Variants in CCDC178 observed in about 807,000 individuals in gnomAD.
The protein encoded by CCDC178 is coiled-coil domain containing 178, also known as coiled-coil domain-containing protein 178.
Under a neutral mutation model 117.4 loss-of-function variants are expected in CCDC178, and 126 were observed. The ratio of observed to expected loss-of-function variants is 1.07; its 90% confidence interval spans 0.93 to 1.24. The LOEUF (loss-of-function observed/expected upper bound fraction) is 1.24, where lower values mean the gene tolerates loss of function less well. CCDC178 is among the 50% of genes most tolerant of loss of function. The pLI is 0.00. For missense variants in CCDC178, 1,030 were observed against 986.9 expected, an observed-to-expected ratio of 1.04 and a Z score of -0.59; for synonymous variants, 283 against 313.4, an observed-to-expected ratio of 0.90 and a Z score of 1.02.
intron 2 of CCDC178, chr18:33,437,628 A>G (rs994285937): frequency 1.1e-4 from 17 of 152,250 alleles, no homozygotes; most frequent in Non-Finnish European, 2.2e-4. Context: ...TAAAATAGAC[A>G]TATCATGATT....
intron 2 of CCDC178, among the ~76,000 whole-genome samples, chr18:33,432,374 T>G (rs2064231691): frequency 6.6e-6 from 1 of 152,078 alleles, no homozygotes; most frequent in Non-Finnish European, 1.5e-5. Context: ...AGCCTAAACA[T>G]TTTTAGCAGA....
intron 5 of CCDC178, among the ~76,000 whole-genome samples, chr18:33,376,850 C>T (rs1232037638): frequency 6.6e-6 from 1 of 152,108 alleles, no homozygotes; most frequent in Non-Finnish European, 1.5e-5. Context: ...TCCAATCCAC[C>T]ATTGATGGAC....
At position 33,266,947 on chromosome 18, in the gene CCDC178, TATCA is replaced by T. The variant is rs1225345635; in HGVS notation, c.1374_1377del (p.Asp459LeufsTer4). 2 of 1,587,172 alleles carry T rather than the reference TATCA, an allele frequency of 1.3e-6. No homozygotes were observed. The highest frequency in any genetic ancestry group is 1.7e-6 in the Non-Finnish European group (2 of 1,171,294). ...TTGGTTTTTACTGTTATTTTGTTAA[TATCA>T]ATCTCAAGTTTTTTATTGTCTTCCG... On this transcript the variant is annotated frameshift_variant, in exon 14 of 23. Transcript: ENST00000383096. LOFTEE classifies it high-confidence loss of function.
At chr18:33,416,524 C>A (rs1480769440) in intron 2 of CCDC178, among the ~76,000 whole-genome samples, 3 of 152,072 alleles carry the variant, frequency 2.0e-5, no homozygotes, top group Non-Finnish European at 4.4e-5. Context: ...CCCCAAATTT[C>A]CTAGTGGGTA....
chr18:33,105,511 T>C (rs2057693144), intron 20 of CCDC178, among the ~76,000 whole-genome samples: 1 of 151,760 alleles, frequency 6.6e-6, no homozygotes, highest in African/African-American at 2.4e-5. Flanking sequence ...ATAATTTTTA[T>C]ATTTTAAAAG....
chr18:33,122,723 G>C (rs56292815), intron 20 of CCDC178, among the ~76,000 whole-genome samples: 5,759 of 152,214 alleles, frequency 0.038, 137 homozygotes, highest in East Asian at 0.11. Context: ...TATTGACCCA[G>C]AGAATTTGAG....
intron 21 of CCDC178, among the ~76,000 whole-genome samples, chr18:33,086,887 T>G (rs766740215): frequency 2.0e-5 from 3 of 151,744 alleles, no homozygotes; most frequent in Non-Finnish European, 2.9e-5. Flanking sequence ...TTCTGCCTTC[T>G]AGATGCCAGA....
At chr18:33,225,265 C>T (rs1421843043) in intron 16 of CCDC178, among the ~76,000 whole-genome samples, 3 of 151,836 alleles carry the variant, frequency 2.0e-5, no homozygotes, top group Non-Finnish European at 4.4e-5. Flanking sequence ...CGGGTATAAG[C>T]GATTCTTCTG....
chr18:33,208,853 C>A (rs2059075904), intron 20 of CCDC178, among the ~76,000 whole-genome samples: 1 of 136,862 alleles, frequency 7.3e-6, no homozygotes, highest in Admixed American at 7.2e-5. Context: ...GAATAAAAAG[C>A]AATTAACTCT....
intron 21 of CCDC178, among the ~76,000 whole-genome samples, chr18:33,001,814 A>G (rs2055639715): frequency 6.6e-6 from 1 of 152,220 alleles, no homozygotes; most frequent in African/African-American, 2.4e-5. Flanking sequence ...GCAAAGACAC[A>G]TAGAAACTAA....
At chr18:33,157,805 C>A (rs1457493920) in intron 20 of CCDC178, among the ~76,000 whole-genome samples, 1 of 152,042 alleles carries the variant, frequency 6.6e-6, no homozygotes, top group Non-Finnish European at 1.5e-5. Context: ...TTATCTGTCA[C>A]TTTTTTATTG....
At chr18:33,240,505 T>C (rs1021196579) in intron 15 of CCDC178, among the ~76,000 whole-genome samples, 3 of 151,008 alleles carry the variant, frequency 2.0e-5, no homozygotes, top group Admixed American at 6.6e-5. Context: ...AAGACATAAA[T>C]GAATACAATC....
rs184874379 is a variant in CCDC178, at chr18:33,375,193, A to G, written c.209-5004T>C. The stretch of plus-strand genomic sequence containing the variant: ...CTCAATAACCTTGTATCGTTCTCCT[A>G]CTTTAACTTTTTATACTAAAAAACA... On this transcript the variant is annotated intron_variant, in intron 5 of 22. Transcript: ENST00000383096. Among the ~76,000 whole-genome samples, 23 of 152,308 alleles carry G rather than the reference A, an allele frequency of 1.5e-4. No individual in the cohort carries two copies. In the East Asian group the frequency reaches 4.4e-3, roughly 29 times the overall value.
rs1392148279 is a variant in CCDC178, at chr18:33,322,619, C to A, written c.1022+872G>T. Reference sequence around the variant, plus strand: ...TTTAAAAATACATATTTCTTAATAACCCATGGGTCAAAGAAGAAATCATGA... The same window carrying A: ...TTTAAAAATACATATTTCTTAATAAACCATGGGTCAAAGAAGAAATCATGA... On this transcript the variant is annotated intron_variant, in intron 11 of 22. Coordinates refer to ENST00000383096, the MANE Select transcript of CCDC178 (RefSeq NM_001105528.4). 2.0e-5 allele frequency among the ~76,000 whole-genome samples: 3 copies of A among 151,410 alleles called. No individual in the cohort carries two copies. The East Asian group carries it at 5.8e-4, about 29-fold the overall frequency.
chr18:33,411,964 G>T, intron 3 of CCDC178, 67 bp downstream of exon 3: 1 of 849,324 alleles, frequency 1.2e-6, no homozygotes. Flanking sequence ...GCCCTCCTCT[G>T]TAAGTGATGT....
At chr18:33,162,809 G>A (rs1335550046) in intron 20 of CCDC178, among the ~76,000 whole-genome samples, 12 of 152,044 alleles carry the variant, frequency 7.9e-5, no homozygotes, top group Admixed American at 2.0e-4. Flanking sequence ...TATATGTACC[G>A]TATTTTATTT....
intron 9 of CCDC178, among the ~76,000 whole-genome samples, chr18:33,342,480 A>C (rs775735621): frequency 9.1e-4 from 138 of 152,310 alleles, no homozygotes; most frequent in Admixed American, 5.2e-4. Context: ...CTGTGTCCCC[A>C]CCCAATCTCA....
chr18:33,008,008 A>T (rs919837785), intron 21 of CCDC178, among the ~76,000 whole-genome samples: 8 of 152,116 alleles, frequency 5.3e-5, no homozygotes, highest in Admixed American at 4.6e-4. Flanking sequence ...TCTTGTAATT[A>T]TGTTAGCAGC....
intron 10 of CCDC178, 88 bp from the exon 11 acceptor site, chr18:33,323,721 C>A: frequency 1.3e-6 from 1 of 794,794 alleles, no homozygotes; most frequent in South Asian, 4.9e-5. Flanking sequence ...TGATTTAGAT[C>A]AAAAGTTCTT....
Sources: allele counts gnomAD v4.1 joint callset (sites outside exome capture counted in the v4.1 genomes callset), GRCh38; gene constraint gnomAD v4.1.1; transcripts MANE v1.5; gene names NCBI Gene and HGNC (gene_info 2026-07-23, HGNC 2026-07-21).